The following SCIN variants were observed in gnomAD, a reference collection of about 807,000 sequenced individuals.
SCIN encodes the protein adseverin.
A neutral mutation model predicts 91.8 loss-of-function variants in SCIN; 91 were observed. The observed-to-expected ratio is 0.99, with a 90% CI of 0.84 to 1.18. The LOEUF is 1.18. Ranked by LOEUF, SCIN falls within the 50% of genes most tolerant of loss-of-function variation. The pLI, the probability that SCIN is intolerant of heterozygous loss-of-function variation, is 0.00. For missense variants in SCIN, 1,087 were observed against 863.9 expected (o/e 1.26, Z -3.24); for synonymous variants, 367 against 312.6 (o/e 1.17, Z -1.84).
chr7:12,574,283 C>T (rs1433044318), intron 1 of SCIN, among the ~76,000 whole-genome samples: 1 of 152,084 alleles, frequency 6.6e-6, no homozygotes, highest in Non-Finnish European at 1.5e-5. Flanking sequence ...GAGTGAAAAA[C>T]CCTAAGAGGC....
chr7:12,594,891 C>G (rs1426415630), intron 3 of SCIN, among the ~76,000 whole-genome samples: 2 of 152,032 alleles, frequency 1.3e-5, no homozygotes, highest in Non-Finnish European at 2.9e-5. Flanking sequence ...TCAAGGGTTC[C>G]AGGTAATAGG....
intron 3 of SCIN, 60 bp downstream of exon 3, chr7:12,581,281 CAT>C: frequency 6.8e-7 from 1 of 1,476,250 alleles, no homozygotes; most frequent in East Asian, 2.5e-5. Context: ...CGGATCAAAT[CAT>C]ATGTACATGT....
intron 5 of SCIN, 69 bp from the exon 6 acceptor site, chr7:12,624,941 C>T: frequency 6.8e-7 from 1 of 1,467,284 alleles, no homozygotes; most frequent in Non-Finnish European, 9.2e-7. Context: ...CAACCATTAC[C>T]ATAATCTAAT....
chr7:12,621,077 G>A (rs531184598), intron 4 of SCIN, among the ~76,000 whole-genome samples: 11 of 152,216 alleles, frequency 7.2e-5, no homozygotes, highest in African/African-American at 2.6e-4. Context: ...TGTGTTTACA[G>A]TTTATGTCAA....
intron 3 of SCIN, among the ~76,000 whole-genome samples, chr7:12,597,914 A>G (rs1782875979): frequency 6.6e-6 from 1 of 152,232 alleles, no homozygotes; most frequent in African/African-American, 2.4e-5. Context: ...CCAGAATTTA[A>G]GTGGATTTCA....
chr7:12,578,771 G>A (rs1353273370), intron 2 of SCIN, among the ~76,000 whole-genome samples: 1 of 151,884 alleles, frequency 6.6e-6, no homozygotes, highest in East Asian at 1.9e-4. Context: ...AATTCTGCAG[G>A]TAAACTACAC....
intron 4 of SCIN, among the ~76,000 whole-genome samples, chr7:12,612,680 T>C (rs1783219719): frequency 6.6e-6 from 1 of 152,202 alleles, no homozygotes; most frequent in South Asian, 2.1e-4. Context: ...ATTCATTCCT[T>C]GTTATTTAAT....
chr7:12,606,656 G>A (rs1783085512), intron 4 of SCIN, among the ~76,000 whole-genome samples: 1 of 151,970 alleles, frequency 6.6e-6, no homozygotes, highest in South Asian at 2.1e-4. Context: ...ATATAGCTCT[G>A]TATTCATACA....
At chr7:12,620,900 A>T (rs1783393796) in intron 4 of SCIN, among the ~76,000 whole-genome samples, 1 of 152,138 alleles carries the variant, frequency 6.6e-6, no homozygotes, top group Non-Finnish European at 1.5e-5. Flanking sequence ...AGAACAACTG[A>T]CGAAATTTTT....
At chr7:12,595,621 C>G (rs1048929906) in intron 3 of SCIN, 3 of 152,160 alleles carry the variant, frequency 2.0e-5, no homozygotes, top group African/African-American at 7.2e-5. Flanking sequence ...AAAGACAACT[C>G]TTAAGATGTT....
intron 9 of SCIN, among the ~76,000 whole-genome samples, chr7:12,632,751 C>A (rs1180666831): frequency 6.6e-5 from 10 of 152,102 alleles, no homozygotes; most frequent in Admixed American, 6.6e-4. Context: ...TTGGCCCACA[C>A]TGTAAAAAAA....
rs931598332 is a variant in SCIN at position 12,660,123 on chromosome 7, C to A, written c.*7408C>A. 1.3e-5 allele frequency: 2 copies of A among 152,492 alleles called. No homozygotes were observed. The highest frequency in any genetic ancestry group is 4.8e-5 in the African/African-American group (2 of 41,458). 9.4% of individuals were successfully genotyped at this position (152,492 alleles called of 1,614,324 possible). On this transcript the variant is annotated 3_prime_UTR_variant, in exon 16 of 16. Coordinates refer to ENST00000297029, the MANE Select transcript of SCIN (RefSeq NM_001112706.3). The stretch of plus-strand genomic sequence containing the variant: ...AATCCCACCACCCTTTGCTGACTCT[C>A]TTTTCGGACTCAGCCCGCCTGCACC...
Position 12,651,987 on chromosome 7 carries a change from CA to C in SCIN, c.2020+91del. The C allele has an allele frequency of 1.2e-6, 1 of 832,610 alleles. No individual in the cohort carries two copies. Among genetic ancestry groups the C allele is most frequent in the South Asian group, 1.7e-5 (1 of 59,564 alleles). The allele number at this position is 832,610 out of a possible 1,614,324, so 51.6% of individuals were successfully genotyped here. ...GCTTGCTCTTTGCCACCATGTCTTACAAAAATACATTTCAAAATCAAGAAGT... is the reference window on the plus strand; with the variant it reads ...GCTTGCTCTTTGCCACCATGTCTTACAAAATACATTTCAAAATCAAGAAGT... On this transcript the variant is annotated intron_variant, in intron 15 of 15. Transcript: ENST00000297029. This position sits in a 1 kb window ranked among gnomAD's most constrained non-coding sequence, Gnocchi z 5.9.
rs191974512 is a variant in SCIN at position 12,590,637 on chromosome 7, C to T, written c.516+9416C>T. 3.9e-5 allele frequency among the ~76,000 whole-genome samples: 6 copies of T among 151,968 alleles called. No individual in the cohort carries two copies. The South Asian group carries it at 6.2e-4, about 16-fold the overall frequency. On this transcript the variant is annotated intron_variant, in intron 3 of 15. Transcript: ENST00000297029. The stretch of plus-strand genomic sequence containing the variant: ...TTCTTGGGTAGGATTGCTGGGATAA[C>T]AGGAAGGAGAGGGGCAGAGGCAGAA...
chr7:12,644,665 C>T lies in SCIN; in HGVS notation c.1841C>T (p.Pro614Leu). ...LLETQAEDHP[P>L]RLYGCSNKTG... ...GAAACCCAGGCTGAAGACCATCCACCTCGGCTTTACGGCTGCTCTAACAAA... is the reference window on the plus strand; with the variant it reads ...GAAACCCAGGCTGAAGACCATCCACTTCGGCTTTACGGCTGCTCTAACAAA... Residue 614 changes from proline (P) to leucine (L), a missense_variant, in exon 13 of 16, where the codon CCT (proline) becomes CTT (leucine). Coordinates refer to ENST00000297029, the MANE Select transcript of SCIN (RefSeq NM_001112706.3). 6.3e-7 allele frequency: 1 copy of T among 1,591,460 alleles called. No individual in the cohort carries two copies. Among genetic ancestry groups the T allele is most frequent in the Non-Finnish European group, 8.6e-7 (1 of 1,168,310 alleles).
rs561555856 is a variant in SCIN, at chr7:12,654,001, T to A, written c.*1286T>A. ...GATACACTGAGTGGCAGTTGCATTA[T>A]CTACTAATCTATATAGGTCATTGAA... On this transcript the variant is annotated 3_prime_UTR_variant, in exon 16 of 16. Transcript: ENST00000297029. The A allele has an allele frequency of 2.0e-5, 3 of 152,272 alleles. No homozygotes were observed. The highest frequency in any genetic ancestry group is 7.2e-5 in the African/African-American group (3 of 41,540). The allele number at this position is 152,272 out of a possible 1,614,324, so 9.4% of individuals were successfully genotyped here.
intron 4 of SCIN, among the ~76,000 whole-genome samples, chr7:12,618,664 C>A (rs1042293508): frequency 2.0e-5 from 3 of 152,038 alleles, no homozygotes; most frequent in Non-Finnish European, 4.4e-5. Context: ...ATTTGTCTTA[C>A]CTAAGGCATA....
intron 15 of SCIN, among the ~76,000 whole-genome samples, chr7:12,652,164 T>C (rs1784092340): frequency 6.6e-6 from 1 of 152,234 alleles, no homozygotes; most frequent in Non-Finnish European, 1.5e-5. Flanking sequence ...ATTTCAACCC[T>C]TGTTTTATTA....
At chr7:12,580,729 TG>T (rs1219828128) in intron 2 of SCIN, among the ~76,000 whole-genome samples, 2 of 152,210 alleles carry the variant, frequency 1.3e-5, no homozygotes, top group African/African-American at 4.8e-5. Context: ...ATTATTGATT[TG>T]GGGATCATTA....
Sources: allele counts gnomAD v4.1 joint callset (sites outside exome capture counted in the v4.1 genomes callset), GRCh38; gene constraint gnomAD v4.1.1; non-coding constraint Gnocchi (gnomAD v3.1); transcripts MANE v1.5; gene names NCBI Gene and HGNC (gene_info 2026-07-23, HGNC 2026-07-21).